The following HS3ST4 variants were observed in gnomAD, a reference collection of about 807,000 sequenced individuals.
HS3ST4 encodes heparan sulfate-glucosamine 3-sulfotransferase 4, also known as heparan sulfate glucosamine 3-O-sulfotransferase 4.
A neutral mutation model predicts 29.2 loss-of-function variants in HS3ST4; 17 were observed. The observed-to-expected ratio is 0.58, with a 90% CI of 0.40 to 0.87. The LOEUF (loss-of-function observed/expected upper bound fraction) is 0.87, where lower values mean the gene tolerates loss of function less well. Among genes scored for constraint, HS3ST4 ranks in the 40% least tolerant of loss-of-function variants. HS3ST4 has a pLI of 0.00. For missense variants in HS3ST4, 627 were observed against 634.5 expected, an observed-to-expected ratio of 0.99 and a Z score of 0.13; for synonymous variants, 314 against 285.7, an observed-to-expected ratio of 1.10 and a Z score of -1.00.
intron 1 of HS3ST4, among the ~76,000 whole-genome samples, chr16:25,981,939 ACCT>A (rs1439286894): frequency 2.6e-5 from 4 of 151,884 alleles, no homozygotes; most frequent in Non-Finnish European, 5.9e-5. Context: ...GCCTCATGAA[ACCT>A]CCTTAACAGC....
chr16:25,883,968 C>A (rs748058493), intron 1 of HS3ST4, among the ~76,000 whole-genome samples: 1 of 152,084 alleles, frequency 6.6e-6, no homozygotes, highest in African/African-American at 2.4e-5. Flanking sequence ...CAAAAATTAG[C>A]CGACTGTGGT....
At chr16:25,759,734 A>G (rs888696857) in intron 1 of HS3ST4, among the ~76,000 whole-genome samples, 1 of 152,104 alleles carries the variant, frequency 6.6e-6, no homozygotes, top group South Asian at 2.1e-4. Context: ...AGACCAGACT[A>G]TGCAACATAG....
At chr16:26,131,086 C>T (rs1899412514) in intron 1 of HS3ST4, among the ~76,000 whole-genome samples, 2 of 152,182 alleles carry the variant, frequency 1.3e-5, no homozygotes, top group African/African-American at 2.4e-5. Context: ...ACATACATCC[C>T]ACCCATCATT....
At chr16:26,091,345 C>T (rs945969839) in intron 1 of HS3ST4, among the ~76,000 whole-genome samples, 2 of 152,100 alleles carry the variant, frequency 1.3e-5, no homozygotes, top group African/African-American at 4.8e-5. Context: ...AAACATGTAG[C>T]ATAAGATGTG....
chr16:26,025,923 G>T (rs771057735), intron 1 of HS3ST4, among the ~76,000 whole-genome samples: 1 of 152,010 alleles, frequency 6.6e-6, no homozygotes, highest in Non-Finnish European at 1.5e-5. Context: ...CTACATGCAC[G>T]TGCCACCATG....
At chr16:25,815,788 T>A (rs1004600663) in intron 1 of HS3ST4, among the ~76,000 whole-genome samples, 8 of 152,292 alleles carry the variant, frequency 5.3e-5, no homozygotes, top group African/African-American at 1.7e-4. Context: ...CTTCCTTAAC[T>A]CACTCAACTC....
chr16:25,801,191 C>G, intron 1 of HS3ST4, among the ~76,000 whole-genome samples: 1 of 152,094 alleles, frequency 6.6e-6, no homozygotes, highest in East Asian at 1.9e-4. Context: ...ACAGGATACT[C>G]ATGCTGCCTG....
intron 1 of HS3ST4, among the ~76,000 whole-genome samples, chr16:25,845,855 T>C (rs1967461419): frequency 6.6e-6 from 1 of 152,186 alleles, no homozygotes; most frequent in African/African-American, 2.4e-5. Context: ...TGCACATTTA[T>C]TTGTTCCTCT....
chr16:25,805,932 A>G (rs1567243849), intron 1 of HS3ST4, among the ~76,000 whole-genome samples: 1 of 152,014 alleles, frequency 6.6e-6, no homozygotes, highest in East Asian at 1.9e-4. Context: ...TTCAGCTCCC[A>G]CTTATAAGTG....
intron 1 of HS3ST4, among the ~76,000 whole-genome samples, chr16:25,858,521 G>C (rs1967606599): frequency 6.6e-6 from 1 of 152,014 alleles, no homozygotes; most frequent in Admixed American, 6.6e-5. Flanking sequence ...CATATCCTAT[G>C]GTACTGGTCC....
chr16:25,758,626 C>T (rs535764119), intron 1 of HS3ST4, among the ~76,000 whole-genome samples: 2 of 152,266 alleles, frequency 1.3e-5, no homozygotes, highest in Admixed American at 1.3e-4. Flanking sequence ...CCACAGCCAC[C>T]TATGCTGCCT....
intron 1 of HS3ST4, among the ~76,000 whole-genome samples, chr16:25,838,376 G>T (rs535298283): frequency 6.6e-6 from 1 of 152,058 alleles, no homozygotes; most frequent in African/African-American, 2.4e-5. Context: ...ATTTACTTAT[G>T]CACCTGCCAT....
chr16:25,715,359 A>C (rs934939353), intron 1 of HS3ST4, among the ~76,000 whole-genome samples: 53 of 151,570 alleles, frequency 3.5e-4, no homozygotes, highest in African/African-American at 1.1e-3. Context: ...AAAAAAAAAA[A>C]AACTCAGCGC....
chr16:26,064,719 G>C (rs1344216843), intron 1 of HS3ST4, among the ~76,000 whole-genome samples: 1 of 146,622 alleles, frequency 6.8e-6, no homozygotes, highest in Non-Finnish European at 1.5e-5. Context: ...CCAGGTTCAA[G>C]TGATTCTCCT....
intron 1 of HS3ST4, among the ~76,000 whole-genome samples, chr16:25,877,708 G>A (rs1208759051): frequency 6.9e-6 from 1 of 145,726 alleles, no homozygotes; most frequent in Non-Finnish European, 1.5e-5. Flanking sequence ...GATAAGAAAT[G>A]TCTATTGTTT....
intron 1 of HS3ST4, among the ~76,000 whole-genome samples, chr16:26,064,920 T>C (rs753573158): frequency 3.3e-5 from 5 of 152,172 alleles, no homozygotes; most frequent in Admixed American, 6.5e-5. Flanking sequence ...CCCAGCAGGA[T>C]TGTAGTCTTA....
intron 1 of HS3ST4, among the ~76,000 whole-genome samples, chr16:25,745,105 G>C (rs910717283): frequency 6.6e-6 from 1 of 152,086 alleles, no homozygotes; most frequent in African/African-American, 2.4e-5. Flanking sequence ...AGTCATATTG[G>C]CCAGGACTTA....
At chr16:25,917,699 C>T (rs1030639922) in intron 1 of HS3ST4, among the ~76,000 whole-genome samples, 2 of 152,152 alleles carry the variant, frequency 1.3e-5, no homozygotes, top group African/African-American at 4.8e-5. Flanking sequence ...GCATGCCTCT[C>T]CTCCCCACCA....
At chr16:26,070,062 G>T (rs1898584781) in intron 1 of HS3ST4, among the ~76,000 whole-genome samples, 1 of 152,074 alleles carries the variant, frequency 6.6e-6, no homozygotes, top group East Asian at 1.9e-4. Context: ...ATTCCTTTGG[G>T]TATATACCCA....
Sources: gnomAD v4.1 joint callset for allele counts (sites outside exome capture counted in the v4.1 genomes callset) on GRCh38, gnomAD v4.1.1 for gene constraint, MANE v1.5 for transcripts, NCBI Gene and HGNC (gene_info 2026-07-23, HGNC 2026-07-21) for gene names.